OR3A2: variants seen among roughly 807,000 people sequenced by gnomAD.
OR3A2 encodes olfactory receptor family 3 subfamily A member 2, also known as olfactory receptor 3A2.
For synonymous variants in OR3A2, 126 were observed against 159.3 expected, an observed-to-expected ratio of 0.79 and a Z score of 1.57; for missense variants, 318 against 392.8, an observed-to-expected ratio of 0.81 and a Z score of 1.61.
At chr17:3,318,952 A>T (rs1045929589) in intron 3 of OR3A2, among the ~76,000 whole-genome samples, 2 of 151,830 alleles carry the variant, frequency 1.3e-5, no homozygotes. Context: ...TTTACTTTGC[A>T]TTTTTTTTAA....
chr17:3,284,581 AC>A (rs1349884516), upstream of OR3A2: 1 of 149,480 alleles, frequency 6.7e-6, no homozygotes, highest in African/African-American at 2.5e-5. Flanking sequence ...GGGGAGAGAC[AC>A]GGAAAAGGAG....
At chr17:3,322,605 A>G (rs1020380883) in intron 3 of OR3A2, among the ~76,000 whole-genome samples, 3 of 152,140 alleles carry the variant, frequency 2.0e-5, no homozygotes, top group African/African-American at 7.2e-5. Context: ...GAACATCTTT[A>G]TTTCTGCCTT....
chr17:3,353,979 T>C, intron 2 of OR3A2, among the ~76,000 whole-genome samples: 1 of 151,786 alleles, frequency 6.6e-6, no homozygotes, highest in East Asian at 1.9e-4. Context: ...GGGTATCACA[T>C]TGATTTATTT....
intron 3 of OR3A2, among the ~76,000 whole-genome samples, chr17:3,331,484 C>A (rs2049233658): frequency 2.0e-5 from 3 of 151,724 alleles, no homozygotes; most frequent in Admixed American, 1.3e-4. Context: ...ATCGCTGATA[C>A]CCTTTCTTCC....
At chr17:3,368,858 C>T (rs1237261996) in intron 2 of OR3A2, among the ~76,000 whole-genome samples, 2 of 152,058 alleles carry the variant, frequency 1.3e-5, no homozygotes, top group Non-Finnish European at 2.9e-5. Flanking sequence ...TTGATTCTAC[C>T]CATTCATGAG....
chr17:3,291,282 T>C, intron 3 of OR3A2: 1 of 201,626 alleles, frequency 5.0e-6, no homozygotes, highest in Admixed American at 5.4e-5. Flanking sequence ...GGCGGGGAGT[T>C]TTCTGGGGTA....
chr17:3,288,776 A>G (rs1415426537), upstream of OR3A2, among the ~76,000 whole-genome samples: 1 of 152,194 alleles, frequency 6.6e-6, no homozygotes, highest in Admixed American at 6.5e-5. Flanking sequence ...TTAACTTTGC[A>G]TTTGTATTTC....
At chr17:3,322,888 C>T (rs557337665) in intron 3 of OR3A2, among the ~76,000 whole-genome samples, 2 of 152,030 alleles carry the variant, frequency 1.3e-5, no homozygotes, top group African/African-American at 2.4e-5. Context: ...TCTATTAGGT[C>T]CGTTTGGTGC....
At chr17:3,340,629 G>GGGAC (rs1555528507) in intron 2 of OR3A2, among the ~76,000 whole-genome samples, 2 of 151,412 alleles carry the variant, frequency 1.3e-5, no homozygotes, top group Non-Finnish European at 3.0e-5. Context: ...TGTGGTCAGA[G>GGGAC]AGTTTGTTGT....
At chr17:3,352,801 G>A (rs552065565) in intron 2 of OR3A2, among the ~76,000 whole-genome samples, 5 of 151,838 alleles carry the variant, frequency 3.3e-5, no homozygotes, top group African/African-American at 7.3e-5. Context: ...TTGGTATTTT[G>A]ATAAGGATTG....
At chr17:3,330,696 C>A (rs1467834276) in intron 3 of OR3A2, among the ~76,000 whole-genome samples, 6 of 152,028 alleles carry the variant, frequency 3.9e-5, no homozygotes, top group Non-Finnish European at 5.9e-5. Flanking sequence ...TTAATTGGAG[C>A]ATTTAGTCCA....
intron 2 of OR3A2, among the ~76,000 whole-genome samples, chr17:3,337,081 C>G (rs554745902): frequency 3.9e-5 from 6 of 152,148 alleles, no homozygotes; most frequent in African/African-American, 1.4e-4. Flanking sequence ...ACATTCAGGT[C>G]CCAGGAAGCA....
chr17:3,377,339 A>C (rs1158302666), intron 2 of OR3A2, among the ~76,000 whole-genome samples: 1 of 152,222 alleles, frequency 6.6e-6, no homozygotes, highest in South Asian at 2.1e-4. Flanking sequence ...TAGGAATATT[A>C]AATGACAATA....
chr17:3,293,998 T>C (rs1405016950), intron 3 of OR3A2, among the ~76,000 whole-genome samples: 1 of 152,092 alleles, frequency 6.6e-6, no homozygotes, highest in Non-Finnish European at 1.5e-5. Flanking sequence ...AAAGAGCTAA[T>C]GCATGCTGGG....
chr17:3,331,281 G>C (rs1207746462), intron 3 of OR3A2, among the ~76,000 whole-genome samples: 1 of 152,084 alleles, frequency 6.6e-6, no homozygotes, highest in Non-Finnish European at 1.5e-5. Flanking sequence ...GATTGGGGAA[G>C]TTCTCCTGGA....
intron 2 of OR3A2, among the ~76,000 whole-genome samples, chr17:3,337,737 G>A (rs759692383): frequency 2.6e-5 from 4 of 152,114 alleles, no homozygotes; most frequent in African/African-American, 4.8e-5. Context: ...ATAAACATAC[G>A]TGTGCATGTG....
chr17:3,329,258 G>T (rs1213839686), intron 3 of OR3A2, among the ~76,000 whole-genome samples: 2 of 151,020 alleles, frequency 1.3e-5, no homozygotes, highest in Admixed American at 6.6e-5. Context: ...CTCTTTTTCT[G>T]TTGATTGGAA....
At chr17:3,305,817 T>C (rs2048995566) in intron 3 of OR3A2, among the ~76,000 whole-genome samples, 2 of 152,252 alleles carry the variant, frequency 1.3e-5, no homozygotes, top group South Asian at 4.1e-4. Flanking sequence ...ATTAGACGTG[T>C]GTGGACACGT....
At chr17:3,291,668 C>T (rs1163869275) in intron 3 of OR3A2, 1 of 1,605,488 alleles carries the variant, frequency 6.2e-7, no homozygotes, top group Admixed American at 1.7e-5. Flanking sequence ...TGAGCATCCT[C>T]CAGATGGCAC....
Sources: gnomAD v4.1 joint callset for allele counts (sites outside exome capture counted in the v4.1 genomes callset) on GRCh38, gnomAD v4.1.1 for gene constraint, MANE v1.5 for transcripts, NCBI Gene and HGNC (gene_info 2026-07-23, HGNC 2026-07-21) for gene names.